LARGE1: variants seen among roughly 807,000 people sequenced by gnomAD.
LARGE1 encodes LARGE xylosyl- and glucuronyltransferase 1.
In LARGE1, 43 loss-of-function variants were observed where a neutral mutation model predicts 87.6. The ratio of observed to expected loss-of-function variants is 0.49; its 90% confidence interval spans 0.38 to 0.63. LARGE1 has a LOEUF of 0.63. LARGE1 is among the 30% of genes least tolerant of loss of function. The pLI, the probability that LARGE1 is intolerant of heterozygous loss-of-function variation, is 0.00. For missense variants in LARGE1, 802 were observed against 1,000.2 expected (o/e 0.80, Z 2.67); for synonymous variants, 434 against 394.6 (o/e 1.10, Z -1.18).
At chr22:33,233,181 G>A (rs1321858895) in intron 11 of LARGE1, among the ~76,000 whole-genome samples, 1 of 152,116 alleles carries the variant, frequency 6.6e-6, no homozygotes, top group African/African-American at 2.4e-5. Flanking sequence ...GTAGACTCTG[G>A]GGAGAGAGAG....
At chr22:33,297,275 A>G (rs1297139581) in intron 12 of LARGE1, among the ~76,000 whole-genome samples, 2 of 152,166 alleles carry the variant, frequency 1.3e-5, no homozygotes, top group Non-Finnish European at 1.5e-5. Flanking sequence ...ATTCCTACAC[A>G]GTGTCAGAAT....
chr22:33,782,279 T>A (rs1397103183), intron 1 of LARGE1, among the ~76,000 whole-genome samples: 5 of 152,126 alleles, frequency 3.3e-5, no homozygotes, highest in African/African-American at 1.2e-4. Flanking sequence ...ATCCTTTATG[T>A]CTCTCCCAGT....
chr22:33,100,046 C>A, the LARGE1 span, among the ~76,000 whole-genome samples: 1 of 152,118 alleles, frequency 6.6e-6, no homozygotes, highest in African/African-American at 2.4e-5. Context: ...ATTTTTAAAT[C>A]TGAGTTTGGC....
At chr22:33,654,567 T>A (rs1459117870) in intron 2 of LARGE1, among the ~76,000 whole-genome samples, 1 of 152,162 alleles carries the variant, frequency 6.6e-6, no homozygotes, top group Non-Finnish European at 1.5e-5. Flanking sequence ...TGGCTCCTGA[T>A]CTCTTTGCTC....
At chr22:33,834,133 T>G (rs1479980363) in intron 1 of LARGE1, among the ~76,000 whole-genome samples, 3 of 152,180 alleles carry the variant, frequency 2.0e-5, no homozygotes, top group Non-Finnish European at 4.4e-5. Context: ...CTTACTCAAC[T>G]AATATTTGTT....
At chr22:33,741,704 G>C (rs1174213974) in intron 2 of LARGE1, among the ~76,000 whole-genome samples, 1 of 152,208 alleles carries the variant, frequency 6.6e-6, no homozygotes, top group Non-Finnish European at 1.5e-5. Context: ...CCCCGTGAAA[G>C]CGACTGCACA....
At chr22:33,887,704 T>G (rs2064894339) in intron 1 of LARGE1, among the ~76,000 whole-genome samples, 1 of 151,330 alleles carries the variant, frequency 6.6e-6, no homozygotes, top group Non-Finnish European at 1.5e-5. Context: ...GCCACTGCAC[T>G]CCAGCCTAAG....
intron 6 of LARGE1, among the ~76,000 whole-genome samples, chr22:33,495,451 T>A (rs2070064281): frequency 1.3e-5 from 2 of 152,220 alleles, no homozygotes; most frequent in African/African-American, 2.4e-5. Flanking sequence ...CTGGGCGTGG[T>A]GGCTCACACC....
the LARGE1 span, among the ~76,000 whole-genome samples, chr22:33,102,176 CT>C: frequency 4.8e-4 from 65 of 136,560 alleles, no homozygotes; most frequent in Non-Finnish European, 5.6e-4. Context: ...TTTTTTTTTC[CT>C]TTTTTTTTTT....
At chr22:33,808,649 C>G (rs1160895959) in intron 1 of LARGE1, among the ~76,000 whole-genome samples, 3 of 152,214 alleles carry the variant, frequency 2.0e-5, no homozygotes, top group African/African-American at 7.2e-5. Flanking sequence ...CTCACCACCC[C>G]ACATGTGAGC....
intron 2 of LARGE1, among the ~76,000 whole-genome samples, chr22:33,710,749 C>T (rs937478085): frequency 3.3e-5 from 5 of 152,094 alleles, no homozygotes; most frequent in Non-Finnish European, 5.9e-5. Context: ...GCAGGTACAT[C>T]GATCCAAGTG....
At chr22:33,806,552 T>C (rs189736864) in intron 1 of LARGE1, among the ~76,000 whole-genome samples, 1 of 152,290 alleles carries the variant, frequency 6.6e-6, no homozygotes, top group Non-Finnish European at 1.5e-5. Flanking sequence ...TTACCTGCAA[T>C]GTGACATCTC....
intron 5 of LARGE1, among the ~76,000 whole-genome samples, chr22:33,585,251 G>T (rs1169340190): frequency 6.6e-6 from 1 of 152,142 alleles, no homozygotes; most frequent in Non-Finnish European, 1.5e-5. Flanking sequence ...ACCTACAAAG[G>T]AGACGGGGGA....
At chr22:33,296,376 T>C (rs1275893203) in intron 12 of LARGE1, among the ~76,000 whole-genome samples, 1 of 152,160 alleles carries the variant, frequency 6.6e-6, no homozygotes, top group Non-Finnish European at 1.5e-5. Context: ...ACATGGATTA[T>C]CTGGTGCAAA....
the LARGE1 span, among the ~76,000 whole-genome samples, chr22:33,146,083 A>G: frequency 1.3e-5 from 2 of 152,094 alleles, no homozygotes; most frequent in South Asian, 4.1e-4. Context: ...AAATTCCTAA[A>G]CCTGTTTTGA....
chr22:33,671,439 A>G (rs968567469), intron 2 of LARGE1, among the ~76,000 whole-genome samples: 14 of 152,250 alleles, frequency 9.2e-5, no homozygotes, highest in African/African-American at 2.9e-4. Context: ...ATTACCTAGC[A>G]TTCACGTATG....
At chr22:33,493,450 C>T (rs542372361) in intron 6 of LARGE1, among the ~76,000 whole-genome samples, 6 of 152,206 alleles carry the variant, frequency 3.9e-5, no homozygotes, top group African/African-American at 9.6e-5. Flanking sequence ...TGTGAGCCAC[C>T]GTGCCCGGCC....
chr22:33,441,010 T>A (rs189020917), intron 6 of LARGE1, among the ~76,000 whole-genome samples: 22 of 151,764 alleles, frequency 1.4e-4, no homozygotes, highest in Admixed American at 1.4e-3. Flanking sequence ...TGGCTTGAAG[T>A]TCCTTTTTTT....
chr22:33,471,359 CA>C (rs774521190), intron 6 of LARGE1, among the ~76,000 whole-genome samples: 28 of 144,746 alleles, frequency 1.9e-4, no homozygotes, highest in Non-Finnish European at 3.8e-4. Context: ...TTTCTTCTAA[CA>C]ACAAGATATT....
Sources: allele counts gnomAD v4.1 joint callset (sites outside exome capture counted in the v4.1 genomes callset), GRCh38; gene constraint gnomAD v4.1.1; transcripts MANE v1.5; gene names NCBI Gene and HGNC (gene_info 2026-07-23, HGNC 2026-07-21).